Variants in ATP1A1 observed in about 807,000 individuals in gnomAD.
ATP1A1 encodes the protein sodium/potassium-transporting ATPase subunit alpha-1.
Under a neutral mutation model 114.8 loss-of-function variants are expected in ATP1A1, and 14 were observed. That is an observed-to-expected ratio of 0.12 (90% CI 0.08 to 0.19). ATP1A1 has a LOEUF of 0.19. Among genes scored for constraint, ATP1A1 ranks in the 10% least tolerant of loss-of-function variants. The pLI is 1.00. For missense variants in ATP1A1, 524 were observed against 1,290.7 expected, an observed-to-expected ratio of 0.41 and a Z score of 9.10; for synonymous variants, 471 against 466.3, an observed-to-expected ratio of 1.01 and a Z score of -0.13.
rs771180125 is a variant in ATP1A1 at position 116,401,430 on chromosome 1, G to A, written c.2850-124G>A. The A allele has an allele frequency of 7.0e-7, 1 of 1,436,894 alleles. No individual in the cohort carries two copies. The highest frequency in any genetic ancestry group is 2.0e-5 in the Admixed American group (1 of 49,268). 89.0% of individuals were successfully genotyped at this position (1,436,894 alleles called of 1,614,324 possible). On this transcript the variant is annotated intron_variant, in intron 20 of 22. Transcript: ENST00000295598. This position sits in a 1 kb window ranked among gnomAD's most constrained non-coding sequence, Gnocchi z 4.7. ...ATGTAGCTTTCTAGTTTTTTCATCT[G>A]ACCTCCAAGTTTTCAAGTACAGCTA...
Position 116,384,754 on chromosome 1 carries a change from C to G in ATP1A1, c.124-29C>G. ...CATTTTTTTATACTACACTGTTTAA[C>G]TATTTTCTTTGTTTCTGTTTTCCCT... On this transcript the variant is annotated intron_variant, in intron 2 of 22. Transcript: ENST00000295598. The surrounding 1 kb of genome is among the most constrained non-coding windows in gnomAD (Gnocchi z 5.1). 1 of 1,574,836 alleles carries G rather than the reference C, an allele frequency of 6.3e-7. No individual in the cohort carries two copies. Among genetic ancestry groups the G allele is most frequent in the Non-Finnish European group, 8.7e-7 (1 of 1,154,288 alleles).
rs1446289343 is a variant in ATP1A1 at position 116,389,169 on chromosome 1, G to A, written c.754+150G>A. 1 of 928,712 alleles carries A rather than the reference G, an allele frequency of 1.1e-6. No individual in the cohort carries two copies. The highest frequency in any genetic ancestry group is 1.7e-6 in the Non-Finnish European group (1 of 602,756). 57.5% of individuals were successfully genotyped at this position (928,712 alleles called of 1,614,324 possible). A position where few individuals can be genotyped will look rare whatever the true frequency, so the allele number is the denominator to read the frequency against. ...AGCAGAGGTGTTTTCCTAGCTGGCA[G>A]GAAACCTTGTGGCAGTTTCCCTTCC... On this transcript the variant is annotated intron_variant, in intron 7 of 22. Coordinates refer to ENST00000295598, the MANE Select transcript of ATP1A1 (RefSeq NM_000701.8). The surrounding 1 kb of genome is among the most constrained non-coding windows in gnomAD (Gnocchi z 6.9).
rs371630565 is a variant in ATP1A1, at chr1:116,389,434, T to C, written c.755-5T>C. 3 of 1,613,456 alleles carry C rather than the reference T, an allele frequency of 1.9e-6. No homozygotes were observed. In the African/African-American group the frequency reaches 4.0e-5, roughly 22 times the overall value. ...GGTACAGTTCTCCCTCCCCTTCTTT[T>C]TAAGGCACCGCACGTGGTATTGTTG... On this transcript the variant is annotated splice_polypyrimidine_tract_variant and splice_region_variant and intron_variant, in intron 7 of 22. Transcript: ENST00000295598. The surrounding 1 kb of genome is among the most constrained non-coding windows in gnomAD (Gnocchi z 6.9).
At chr1:116,380,705 A>G (rs764890776) in intron 1 of ATP1A1, among the ~76,000 whole-genome samples, 2 of 152,202 alleles carry the variant, frequency 1.3e-5, no homozygotes, top group Non-Finnish European at 2.9e-5. Context: ...ACCTTGTTAC[A>G]TGTTTTAACC....
intron 1 of ATP1A1, among the ~76,000 whole-genome samples, chr1:116,377,239 G>C (rs906617155): frequency 3.3e-5 from 5 of 152,240 alleles, no homozygotes; most frequent in Non-Finnish European, 5.9e-5. Flanking sequence ...ATCAAGTGAA[G>C]TAATCTATGT....
Position 116,381,089 on chromosome 1 carries a change from C to T in ATP1A1, c.13-2925C>T, listed in dbSNP as rs766686941. 6.6e-5 allele frequency among the ~76,000 whole-genome samples: 10 copies of T among 152,144 alleles called. No homozygotes were observed. The highest frequency in any genetic ancestry group is 1.5e-4 in the Non-Finnish European group (10 of 68,026). On this transcript the variant is annotated intron_variant, in intron 1 of 22. Coordinates refer to ENST00000295598, the MANE Select transcript of ATP1A1 (RefSeq NM_000701.8). The surrounding 1 kb of genome is among the most constrained non-coding windows in gnomAD (Gnocchi z 5.1). Reference sequence around the variant, plus strand: ...AGAGTGAGGATTAATCACTCCCAGTCCTCTGGGAGGGGGGAAGTGACCTGA... The same window carrying T: ...AGAGTGAGGATTAATCACTCCCAGTTCTCTGGGAGGGGGGAAGTGACCTGA...
At position 116,395,381 on chromosome 1, in the gene ATP1A1, C is replaced by A. The variant is rs908399550; in HGVS notation, c.1836+96C>A. On this transcript the variant is annotated intron_variant, in intron 13 of 22. Coordinates refer to ENST00000295598, the MANE Select transcript of ATP1A1 (RefSeq NM_000701.8). The surrounding 1 kb of genome is among the most constrained non-coding windows in gnomAD (Gnocchi z 6.4). The stretch of plus-strand genomic sequence containing the variant: ...TTTGAGGTCCAGATGGCCAGCTGTT[C>A]TATCTCACCTGGAGTATTAATTTCT... The A allele has an allele frequency of 4.5e-6, 6 of 1,332,810 alleles. No homozygotes were observed. Among genetic ancestry groups the A allele is most frequent in the Non-Finnish European group, 6.2e-6 (6 of 974,018 alleles). The allele number at this position is 1,332,810 out of a possible 1,614,324, so 82.6% of individuals were successfully genotyped here.
intron 10 of ATP1A1, 36 bp from the exon 11 acceptor site, chr1:116,392,818 T>G (rs759066206): frequency 1.3e-6 from 2 of 1,582,474 alleles, no homozygotes. Context: ...GTGAAATTTT[T>G]TGGAGATAAT....
rs528107648 is a variant in ATP1A1 at position 116,373,877 on chromosome 1, G to A, written c.12+354G>A. 3.1e-6 allele frequency: 4 copies of A among 1,271,580 alleles called. No individual in the cohort carries two copies. In the South Asian group the frequency reaches 7.3e-5, roughly 23 times the overall value. 78.8% of individuals were successfully genotyped at this position (1,271,580 alleles called of 1,614,324 possible). A position where few individuals can be genotyped will look rare whatever the true frequency, so the allele number is the denominator to read the frequency against. On this transcript the variant is annotated intron_variant, in intron 1 of 22. Coordinates refer to ENST00000295598, the MANE Select transcript of ATP1A1 (RefSeq NM_000701.8). ...GAGGAGGGGGCTTGCAGCAGCGGGG[G>A]CGGCCCCGGGACTGAGCCGGCATCC...
chr1:116,404,286 C>A lies in ATP1A1; in HGVS notation c.3044-130C>A. 2 of 1,103,686 alleles carry A rather than the reference C, an allele frequency of 1.8e-6. No homozygotes were observed. The highest frequency in any genetic ancestry group is 2.7e-6 in the Non-Finnish European group (2 of 738,260). 68.4% of individuals were successfully genotyped at this position (1,103,686 alleles called of 1,614,324 possible). On this transcript the variant is annotated intron_variant, in intron 22 of 22. Transcript: ENST00000295598. The surrounding 1 kb of genome is among the most constrained non-coding windows in gnomAD (Gnocchi z 4.8). ...CATGTAAATAAGTACAGTTGAGGTC[C>A]CATGTTTGGATTTTAACACACCCGA...
rs781005378 is a variant in ATP1A1, at chr1:116,401,519, C to G, written c.2850-35C>G. 2.5e-6 allele frequency: 4 copies of G among 1,600,520 alleles called. No individual in the cohort carries two copies. The highest frequency in any genetic ancestry group is 3.3e-5 in the Admixed American group (2 of 59,888). Reference sequence around the variant, plus strand: ...ATTAGAAGATAAACCTTTATTTGCACCTTTTAAGTTTTTTCTCCCCTACTT... The same window carrying G: ...ATTAGAAGATAAACCTTTATTTGCAGCTTTTAAGTTTTTTCTCCCCTACTT... On this transcript the variant is annotated intron_variant, in intron 20 of 22. Coordinates refer to ENST00000295598, the MANE Select transcript of ATP1A1 (RefSeq NM_000701.8). The surrounding 1 kb of genome is among the most constrained non-coding windows in gnomAD (Gnocchi z 4.7).
At chr1:116,377,875 T>C (rs1017059554) in intron 1 of ATP1A1, among the ~76,000 whole-genome samples, 6 of 152,216 alleles carry the variant, frequency 3.9e-5, no homozygotes, top group African/African-American at 1.4e-4. Flanking sequence ...TGAAAGTACA[T>C]GTCCAGTACA....
In ATP1A1 at chr1:116,388,888, T is replaced by G. The variant is rs1277921756; in HGVS notation, c.637-14T>G. 3 of 1,613,888 alleles carry G rather than the reference T, an allele frequency of 1.9e-6. No individual in the cohort carries two copies. In the South Asian group the frequency reaches 3.3e-5, roughly 18 times the overall value. ...GTATTCACATGACATTTTTCTTCTT[T>G]TCCTCACATATAGGTGGATAACTCC... On this transcript the variant is annotated splice_polypyrimidine_tract_variant and intron_variant, in intron 6 of 22. Coordinates refer to ENST00000295598, the MANE Select transcript of ATP1A1 (RefSeq NM_000701.8). This position sits in a 1 kb window ranked among gnomAD's most constrained non-coding sequence, Gnocchi z 5.6.
chr1:116,389,046 A>G lies in ATP1A1; in HGVS notation c.754+27A>G, dbSNP rs2101044779. On this transcript the variant is annotated intron_variant, in intron 7 of 22. Transcript: ENST00000295598. The surrounding 1 kb of genome is among the most constrained non-coding windows in gnomAD (Gnocchi z 6.9). Reference sequence around the variant, plus strand: ...TAGGCCATTTTTGGGCACTTTGAGCATGGCGTGGTATTTCTCTTGGGCATT... The same window carrying G: ...TAGGCCATTTTTGGGCACTTTGAGCGTGGCGTGGTATTTCTCTTGGGCATT... The G allele has an allele frequency of 5.1e-6, 8 of 1,572,074 alleles. No individual in the cohort carries two copies. The highest frequency in any genetic ancestry group is 1.1e-5 in the South Asian group (1 of 90,128).
chr1:116,404,344 GT>G lies in ATP1A1; in HGVS notation c.3044-69del. The G allele has an allele frequency of 6.2e-7, 1 of 1,600,386 alleles. No homozygotes were observed. Among genetic ancestry groups the G allele is most frequent in the Non-Finnish European group, 8.6e-7 (1 of 1,169,186 alleles). On this transcript the variant is annotated intron_variant, in intron 22 of 22. Coordinates refer to ENST00000295598, the MANE Select transcript of ATP1A1 (RefSeq NM_000701.8). The surrounding 1 kb of genome is among the most constrained non-coding windows in gnomAD (Gnocchi z 4.8). ...CATCCTCCGGTTGGTTTTCATCCCTGTTTCCCTCTGTAATGCTGGAGCGAGG... is the reference window on the plus strand; with the variant it reads ...CATCCTCCGGTTGGTTTTCATCCCTGTTCCCTCTGTAATGCTGGAGCGAGG...
At chr1:116,390,989 C>G in intron 10 of ATP1A1, 98 bp downstream of exon 10, 1 of 1,041,228 alleles carries the variant, frequency 9.6e-7, no homozygotes, top group Non-Finnish European at 1.5e-6. Context: ...GTCTGTGTGA[C>G]TGTTCACTGT....
In ATP1A1 at chr1:116,398,138, C is replaced by A. The variant is rs754913955; in HGVS notation, c.2124+100C>A. 11 of 1,485,730 alleles carry A rather than the reference C, an allele frequency of 7.4e-6. No homozygotes were observed. The highest frequency in any genetic ancestry group is 1.0e-5 in the Non-Finnish European group (11 of 1,094,474). The allele number at this position is 1,485,730 out of a possible 1,614,324, so 92.0% of individuals were successfully genotyped here. A position where few individuals can be genotyped will look rare whatever the true frequency, so the allele number is the denominator to read the frequency against. ...AACGGTGATGGATGGATGCATACCT[C>A]GCTGTATTAGACTCAGTATAAATAG... On this transcript the variant is annotated intron_variant, in intron 15 of 22. Coordinates refer to ENST00000295598, the MANE Select transcript of ATP1A1 (RefSeq NM_000701.8). This position sits in a 1 kb window ranked among gnomAD's most constrained non-coding sequence, Gnocchi z 6.1.
In ATP1A1 at chr1:116,393,816, TA is replaced by T. The variant is rs369134293; in HGVS notation, c.1660+94del. The T allele has an allele frequency of 4.7e-5, 60 of 1,270,176 alleles. No individual in the cohort carries two copies. In the East Asian group the frequency reaches 1.4e-3, roughly 29 times the overall value. 78.7% of individuals were successfully genotyped at this position (1,270,176 alleles called of 1,614,324 possible). On this transcript the variant is annotated intron_variant, in intron 12 of 22. Transcript: ENST00000295598. This position sits in a 1 kb window ranked among gnomAD's most constrained non-coding sequence, Gnocchi z 5.0. ...GTTAACAAGTGATCCTATGAACCTC[TA>T]TGTCTTGTTGACCTTCCTCTACATC... is the stretch of plus-strand genomic sequence containing the variant.
chr1:116,404,505 C>G lies in ATP1A1; in HGVS notation c.*61C>G. On this transcript the variant is annotated 3_prime_UTR_variant, in exon 23 of 23. Coordinates refer to ENST00000295598, the MANE Select transcript of ATP1A1 (RefSeq NM_000701.8). The surrounding 1 kb of genome is among the most constrained non-coding windows in gnomAD (Gnocchi z 4.8). ...ACACTCTGCATCCGACACCCACCCC[C>G]TCTTTGTGTACTTCAGTCTTGGAGT... The G allele has an allele frequency of 1.9e-6, 3 of 1,567,036 alleles. No individual in the cohort carries two copies. Among genetic ancestry groups the G allele is most frequent in the Non-Finnish European group, 2.6e-6 (3 of 1,162,702 alleles).
Sources: allele counts gnomAD v4.1 joint callset (sites outside exome capture counted in the v4.1 genomes callset), GRCh38; gene constraint gnomAD v4.1.1; non-coding constraint Gnocchi (gnomAD v3.1); transcripts MANE v1.5; gene names NCBI Gene and HGNC (gene_info 2026-07-23, HGNC 2026-07-21).